The following DIS3 variants were observed in gnomAD, a reference collection of about 807,000 sequenced individuals.
DIS3 encodes exosome complex exonuclease RRP44.
A neutral mutation model predicts 113.0 loss-of-function variants in DIS3; 103 were observed. The ratio of observed to expected loss-of-function variants is 0.91; its 90% confidence interval spans 0.78 to 1.07. The LOEUF (loss-of-function observed/expected upper bound fraction) is 1.07. DIS3 is among the 50% of genes least tolerant of loss of function. DIS3 has a pLI of 0.00. For synonymous variants in DIS3, 402 were observed against 394.3 expected (o/e 1.02, Z -0.23); for missense variants, 1,121 against 1,167.1 (o/e 0.96, Z 0.58).
Position 72,778,237 on chromosome 13 carries a change from T to C in DIS3, c.530A>G (p.Asp177Gly), listed in dbSNP as rs1255903816. The change falls in exon 3 of 21, where the codon GAC (aspartate) becomes GGC (glycine). Residue 177 changes from aspartate (D) to glycine (G), a missense_variant. Asp to Gly is a moderately conservative substitution (Grantham distance 94). Coordinates refer to ENST00000377767, the MANE Select transcript of DIS3 (RefSeq NM_014953.5). ...TATGGCTTTCTCTTTGTTTCTCCTG[T>C]CATTTGTTATGAAGATAACTTGCAG... is the stretch of plus-strand genomic sequence containing the variant. ...NQLQVIFITN[D>G]RRNKEKAIEE... 2 of 1,606,732 alleles carry C rather than the reference T, an allele frequency of 1.2e-6. No individual in the cohort carries two copies. Among genetic ancestry groups the C allele is most frequent in the Non-Finnish European group, 1.7e-6 (2 of 1,174,330 alleles).
rs192240357 is a variant in DIS3 at position 72,772,814 on chromosome 13, T to C, written c.1265A>G (p.Asp422Gly). The C allele has an allele frequency of 1.6e-5, 25 of 1,605,984 alleles. No individual in the cohort carries two copies. The African/African-American group carries it at 2.3e-4, about 15-fold the overall frequency. ...TGTTTCAGTCTCTTTCTCTCCAACA[T>C]CACCTAAATTTCTCACAAAGTGTCC... Reference protein sequence around the residue: ...PNGHFVRNLGDVGEKETETEV... With the variant: ...PNGHFVRNLGGVGEKETETEV... The change falls in exon 9 of 21, where the codon GAT (aspartate) becomes GGT (glycine). Residue 422 changes from aspartate to glycine, a missense_variant. Transcript: ENST00000377767.
At chr13:72,772,132 G>C (rs755264036) in intron 10 of DIS3, 27 bp downstream of exon 10, 3 of 1,550,936 alleles carry the variant, frequency 1.9e-6, no homozygotes, top group Non-Finnish European at 2.7e-6. Context: ...ACTATATTTA[G>C]GTAAGAACAC....
chr13:72,759,250 T>C lies in DIS3; in HGVS notation c.*545A>G. 1 of 201,212 alleles carries C rather than the reference T, an allele frequency of 5.0e-6. No homozygotes were observed. The allele number at this position is 201,212 out of a possible 1,614,324, so 12.5% of individuals were successfully genotyped here. ...TACCAATTCCCAAACATTCACAGTT[T>C]TTCAAGGACCACTAATAAAATACAG... On this transcript the variant is annotated 3_prime_UTR_variant, in exon 21 of 21. Coordinates refer to ENST00000377767, the MANE Select transcript of DIS3 (RefSeq NM_014953.5).
intron 3 of DIS3, among the ~76,000 whole-genome samples, 183 bp from the exon 4 acceptor site, chr13:72,777,676 T>A (rs2034049866): frequency 6.6e-6 from 1 of 151,942 alleles, no homozygotes; most frequent in African/African-American, 2.4e-5. Flanking sequence ...CAGCCTAGAA[T>A]CCCTGGGCTC....
At chr13:72,771,026 CA>C in intron 12 of DIS3, 38 bp from the exon 13 acceptor site, 10 of 1,605,336 alleles carry the variant, frequency 6.2e-6, no homozygotes, top group African/African-American at 1.3e-5. Context: ...TAATGGGAAT[CA>C]GGTTAAAGTA....
chr13:72,780,654 G>C (rs1411314433), intron 2 of DIS3, among the ~76,000 whole-genome samples, 192 bp downstream of exon 2: 5 of 152,106 alleles, frequency 3.3e-5, no homozygotes, highest in Non-Finnish European at 7.4e-5. Flanking sequence ...TTTTAGGCTT[G>C]AGCCCATCAA....
At chr13:72,762,234 A>G in intron 16 of DIS3, 97 bp from the exon 17 acceptor site, 1 of 1,095,614 alleles carries the variant, frequency 9.1e-7, no homozygotes, top group Non-Finnish European at 1.3e-6. Flanking sequence ...AACAAACATC[A>G]TGTTTTTGTT....
intron 13 of DIS3, among the ~76,000 whole-genome samples, 169 bp downstream of exon 13, chr13:72,770,735 G>A (rs1484983079): frequency 6.6e-6 from 1 of 151,684 alleles, no homozygotes; most frequent in Non-Finnish European, 1.5e-5. Context: ...TCTATTTTAG[G>A]TTAAGTAAAT....
chr13:72,778,102 A>G (rs1212060994), intron 3 of DIS3, 85 bp downstream of exon 3: 1 of 1,182,638 alleles, frequency 8.5e-7, no homozygotes, highest in African/African-American at 1.5e-5. Context: ...ACTAAATAGT[A>G]AAGTGAACAT....
In DIS3 at chr13:72,759,533, C is replaced by T; in HGVS notation, c.*262G>A. The T allele has an allele frequency of 5.9e-6, 2 of 338,688 alleles. No homozygotes were observed. Among genetic ancestry groups the T allele is most frequent in the Non-Finnish European group, 1.1e-5 (2 of 185,546 alleles). The allele number at this position is 338,688 out of a possible 1,614,324, so 21.0% of individuals were successfully genotyped here. On this transcript the variant is annotated 3_prime_UTR_variant, in exon 21 of 21. Coordinates refer to ENST00000377767, the MANE Select transcript of DIS3 (RefSeq NM_014953.5). ...CCATTTAAATGATCTTTACAGATCC[C>T]TGAAGTTGCTGTCCTGTCACTGTAT...
chr13:72,774,005 T>G lies in DIS3; in HGVS notation c.1042A>C (p.Ile348Leu). ...TATGGTCTCCAATTCCTTTTTATTA[T>G]TCCTACAACTCTACCTGTAGGCTTC... ...MLKPTGRVVG[I>L]IKRNWRPYCG... The change falls in exon 7 of 21, where the codon ATA becomes CTA. Residue 348 changes from isoleucine to leucine, a missense_variant. Ile to Leu is a conservative substitution (Grantham distance 5). Transcript: ENST00000377767. The G allele has an allele frequency of 6.2e-7, 1 of 1,612,478 alleles. No homozygotes were observed. Among genetic ancestry groups the G allele is most frequent in the Non-Finnish European group, 8.5e-7 (1 of 1,179,664 alleles).
intron 4 of DIS3, 139 bp downstream of exon 4, chr13:72,777,281 A>C: frequency 1.3e-6 from 1 of 748,130 alleles, no homozygotes; most frequent in Non-Finnish European, 2.2e-6. Flanking sequence ...TATGACATCC[A>C]CTCCTGTTTA....
chr13:72,765,429 G>T (rs2033721447), intron 15 of DIS3, among the ~76,000 whole-genome samples: 1 of 152,044 alleles, frequency 6.6e-6, no homozygotes, highest in African/African-American at 2.4e-5. Flanking sequence ...CTGGCACCAG[G>T]GACGGGTTTC....
rs749421948 is a variant in DIS3, at chr13:72,770,916, A to C, written c.1743T>G (p.Val581=). ...CCATGAAACGAACCTTTGAATTAATAACACTTTTGGTAAACTTCGTTTTTA... is the reference window on the plus strand; with the variant it reads ...CCATGAAACGAACCTTTGAATTAATCACACTTTTGGTAAACTTCGTTTTTA... The part of the protein sequence containing the change: ...EILKTKFTKS[V]INSKASLTYA... Residue 581 remains valine, a synonymous_variant, in exon 13 of 21, where the codon GTT becomes GTG. Transcript: ENST00000377767. The C allele has an allele frequency of 1.3e-5, 21 of 1,601,944 alleles. No individual in the cohort carries two copies. The highest frequency in any genetic ancestry group is 1.5e-5 in the Non-Finnish European group (18 of 1,173,564).
At chr13:72,779,768 G>C (rs1157703666) in intron 2 of DIS3, among the ~76,000 whole-genome samples, 1 of 151,172 alleles carries the variant, frequency 6.6e-6, no homozygotes, top group East Asian at 1.9e-4. Context: ...TGGTGGTGGT[G>C]GTGGGGGGGG....
Position 72,753,606 on chromosome 13 carries a change from AT to A in DIS3, c.*6188del. ...TGTTAGGATCATTCAGATGTAGTGA[AT>A]GAGAGTTTATAGTGGTTTACTTATT... On this transcript the variant is annotated 3_prime_UTR_variant, in exon 21 of 21. Transcript: ENST00000377767. 2 of 1,367,674 alleles carry A rather than the reference AT, an allele frequency of 1.5e-6. No individual in the cohort carries two copies. The highest frequency in any genetic ancestry group is 2.9e-5 in the African/African-American group (2 of 68,752). 84.7% of individuals were successfully genotyped at this position (1,367,674 alleles called of 1,614,324 possible).
In DIS3 at chr13:72,755,318, A is replaced by T; in HGVS notation, c.*4477T>A. The T allele has an allele frequency of 1.0e-6, 1 of 957,238 alleles. No homozygotes were observed. Among genetic ancestry groups the T allele is most frequent in the Non-Finnish European group, 1.6e-6 (1 of 621,028 alleles). The allele number at this position is 957,238 out of a possible 1,614,324, so 59.3% of individuals were successfully genotyped here. A position where few individuals can be genotyped will look rare whatever the true frequency, so the allele number is the denominator to read the frequency against. On this transcript the variant is annotated 3_prime_UTR_variant, in exon 21 of 21. Coordinates refer to ENST00000377767, the MANE Select transcript of DIS3 (RefSeq NM_014953.5). ...TGACTGGGAAAAAATTACTTCAAGTAACATGCTTAGCTTTCCCTCCTTAAT... is the reference window on the plus strand; with the variant it reads ...TGACTGGGAAAAAATTACTTCAAGTTACATGCTTAGCTTTCCCTCCTTAAT...
intron 5 of DIS3, 143 bp from the exon 6 acceptor site, chr13:72,775,518 T>C: frequency 9.6e-7 from 1 of 1,045,422 alleles, no homozygotes; most frequent in South Asian, 2.7e-5. Context: ...TCTTTCTCTA[T>C]TGTGTCCCTA....
At chr13:72,769,989 C>T (rs930637998) in intron 13 of DIS3, among the ~76,000 whole-genome samples, 1 of 152,150 alleles carries the variant, frequency 6.6e-6, no homozygotes, top group Non-Finnish European at 1.5e-5. Context: ...AGAAAGATAA[C>T]CTGGCTCCAT....
Sources: allele counts gnomAD v4.1 joint callset (sites outside exome capture counted in the v4.1 genomes callset), GRCh38; gene constraint gnomAD v4.1.1; transcripts MANE v1.5; gene names NCBI Gene and HGNC (gene_info 2026-07-23, HGNC 2026-07-21).